NAA30: variants seen among roughly 807,000 people sequenced by gnomAD.
The protein encoded by NAA30 is N-alpha-acetyltransferase 30.
In NAA30, 5 loss-of-function variants were observed where a neutral mutation model predicts 31.4. The ratio of observed to expected loss-of-function variants is 0.16; its 90% CI spans 0.08 to 0.33. NAA30 has a LOEUF of 0.33. Among genes scored for constraint, NAA30 ranks in the 10% least tolerant of loss-of-function variants. The pLI is 1.00. For missense variants in NAA30, 428 were observed against 490.8 expected, an observed-to-expected ratio of 0.87 and a Z score of 1.21; for synonymous variants, 222 against 207.1, an observed-to-expected ratio of 1.07 and a Z score of -0.62.
At position 57,409,511 on chromosome 14, in the gene NAA30, C is replaced by T. The variant is rs756618193; in HGVS notation, c.1084C>T (p.Arg362Cys). The stretch of plus-strand genomic sequence containing the variant: ...TGCACTGCGACTTAAACTGTGGCTG[C>T]GTTGAGAAACTGACATCAAGGAACA... Reference protein sequence around the residue: ...VDALRLKLWLR With the variant: ...VDALRLKLWLC Residue 362 changes from arginine (R) to cysteine (C), a missense_variant, in exon 5 of 5, where the codon CGT becomes TGT. Physicochemically the swap from Arg to Cys is radical, Grantham distance 180. Around this residue, in one of 2 missense-constraint regions of NAA30, gnomAD observed 79 missense variants for 180.3 expected, o/e 0.44. Coordinates refer to ENST00000556492, the MANE Select transcript of NAA30 (RefSeq NM_001011713.3). The T allele has an allele frequency of 9.4e-6, 15 of 1,595,608 alleles. No individual in the cohort carries two copies. The highest frequency in any genetic ancestry group is 2.7e-5 in the African/African-American group (2 of 73,992).
chr14:57,395,979 T>G (rs1476132554), intron 2 of NAA30, among the ~76,000 whole-genome samples: 2 of 152,208 alleles, frequency 1.3e-5, no homozygotes, highest in East Asian at 3.8e-4. Context: ...TTATTTTCAT[T>G]TTTTTCTTTT....
chr14:57,398,531 C>A (rs1191755331), intron 3 of NAA30, among the ~76,000 whole-genome samples: 1 of 152,176 alleles, frequency 6.6e-6, no homozygotes, highest in African/African-American at 2.4e-5. Context: ...GATCCCGGCT[C>A]ACTGCAACCT....
chr14:57,405,737 A>C (rs1349922538), intron 4 of NAA30, among the ~76,000 whole-genome samples: 2 of 152,242 alleles, frequency 1.3e-5, no homozygotes, highest in Admixed American at 6.5e-5. Flanking sequence ...AGGAAATAGC[A>C]GTGGAAGGGC....
At chr14:57,402,484 G>A (rs573106592) in intron 4 of NAA30, among the ~76,000 whole-genome samples, 38 of 152,232 alleles carry the variant, frequency 2.5e-4, no homozygotes, top group African/African-American at 8.7e-4. Context: ...TCTTGTTTAA[G>A]TACTTTTAAA....
chr14:57,394,489 T>C (rs752842768), intron 2 of NAA30, among the ~76,000 whole-genome samples: 1 of 152,176 alleles, frequency 6.6e-6, no homozygotes, highest in Non-Finnish European at 1.5e-5. Flanking sequence ...GAGCTTTTAT[T>C]TGGAAAAATT....
At chr14:57,407,539 A>G (rs2066502835) in intron 4 of NAA30, among the ~76,000 whole-genome samples, 1 of 152,166 alleles carries the variant, frequency 6.6e-6, no homozygotes, top group African/African-American at 2.4e-5. Context: ...ATTCTTCTAG[A>G]CAGAAAACAG....
chr14:57,405,421 G>GTATATATATA (rs57769501), intron 4 of NAA30, among the ~76,000 whole-genome samples: 5 of 149,102 alleles, frequency 3.4e-5, no homozygotes, highest in East Asian at 2.0e-4. Context: ...ATATATATGT[G>GTATATATATA]TATATATATA....
rs191553725 is a variant in NAA30 at position 57,415,608 on chromosome 14, G to C, written c.*6092G>C. 10 of 152,246 alleles carry C rather than the reference G, an allele frequency of 6.6e-5. No homozygotes were observed. The East Asian group carries it at 1.7e-3, about 26-fold the overall frequency. The allele number at this position is 152,246 out of a possible 1,614,324, so 9.4% of individuals were successfully genotyped here. ...CTGTGCTGCATTAAAATCCACAGTT[G>C]CATGAAACTTTTAAAAGTTTAAGAT... On this transcript the variant is annotated 3_prime_UTR_variant, in exon 5 of 5. Coordinates refer to ENST00000556492, the MANE Select transcript of NAA30 (RefSeq NM_001011713.3).
At chr14:57,399,468 A>C (rs556665885) in intron 3 of NAA30, among the ~76,000 whole-genome samples, 5 of 152,214 alleles carry the variant, frequency 3.3e-5, no homozygotes, top group African/African-American at 1.2e-4. Flanking sequence ...GTTCTGGCCA[A>C]CTCACGGGGA....
intron 3 of NAA30, among the ~76,000 whole-genome samples, chr14:57,398,652 TG>T (rs897265805): frequency 6.6e-6 from 1 of 150,834 alleles, no homozygotes; most frequent in African/African-American, 2.4e-5. Flanking sequence ...TATTTTTTTT[TG>T]AGATAGTCTC....
At chr14:57,397,648 C>T (rs920945143) in intron 3 of NAA30, among the ~76,000 whole-genome samples, 8 of 152,280 alleles carry the variant, frequency 5.3e-5, no homozygotes, top group African/African-American at 1.4e-4. Context: ...CACCAGGTGC[C>T]GGGTGCGGTG....
chr14:57,401,964 G>A (rs899054574), intron 4 of NAA30, among the ~76,000 whole-genome samples: 1 of 152,332 alleles, frequency 6.6e-6, no homozygotes, highest in East Asian at 1.9e-4. Context: ...TCTTTAGGCT[G>A]ACATCAGGGA....
rs1292784517 is a variant in NAA30, at chr14:57,409,688, G to C, written c.*172G>C. ...TGTTGCACTTTGGCATGGCACATTT[G>C]TTCTGAATTAAAAGATTGTTTTAAA... On this transcript the variant is annotated 3_prime_UTR_variant, in exon 5 of 5. Coordinates refer to ENST00000556492, the MANE Select transcript of NAA30 (RefSeq NM_001011713.3). 1.9e-6 allele frequency: 1 copy of C among 535,144 alleles called. No homozygotes were observed. Among genetic ancestry groups the C allele is most frequent in the Non-Finnish European group, 3.0e-6 (1 of 332,452 alleles). 33.1% of individuals were successfully genotyped at this position (535,144 alleles called of 1,614,324 possible). A position where few individuals can be genotyped will look rare whatever the true frequency, so the allele number is the denominator to read the frequency against.
chr14:57,405,863 A>G (rs2066496356), intron 4 of NAA30, among the ~76,000 whole-genome samples: 1 of 152,154 alleles, frequency 6.6e-6, no homozygotes, highest in Non-Finnish European at 1.5e-5. Context: ...AATGTTTTGT[A>G]ATGGTTTGGC....
At position 57,396,728 on chromosome 14, in the gene NAA30, C is replaced by T. The variant is rs907963000; in HGVS notation, c.772-24C>T. The T allele has an allele frequency of 3.7e-6, 6 of 1,613,456 alleles. No homozygotes were observed. The African/African-American group carries it at 8.0e-5, about 22-fold the overall frequency. ...CAGTACCTGATGGCAATGTATTCTT[C>T]ATAACTGTTTGTTTATTTTTAAGGC... On this transcript the variant is annotated intron_variant, in intron 2 of 4. Coordinates refer to ENST00000556492, the MANE Select transcript of NAA30 (RefSeq NM_001011713.3).
intron 4 of NAA30, among the ~76,000 whole-genome samples, chr14:57,402,119 G>A (rs1250942778): frequency 2.6e-5 from 4 of 152,188 alleles, no homozygotes; most frequent in Non-Finnish European, 5.9e-5. Flanking sequence ...TTTGCCATAC[G>A]AACTCTTGTT....
chr14:57,397,454 A>G (rs1230451902), intron 3 of NAA30, among the ~76,000 whole-genome samples: 2 of 152,190 alleles, frequency 1.3e-5, no homozygotes, highest in Admixed American at 6.5e-5. Context: ...TGATCATTAG[A>G]ATCATGTGGG....
chr14:57,404,043 T>C (rs1274540939), intron 4 of NAA30, among the ~76,000 whole-genome samples: 1 of 152,174 alleles, frequency 6.6e-6, no homozygotes, highest in East Asian at 1.9e-4. Flanking sequence ...AGTTTTAGGC[T>C]GAGCACGGTG....
chr14:57,390,965 A>C lies in NAA30; in HGVS notation c.8A>C (p.Glu3Ala). 6.8e-7 allele frequency: 1 copy of C among 1,475,834 alleles called. No individual in the cohort carries two copies. 91.4% of individuals were successfully genotyped at this position (1,475,834 alleles called of 1,614,324 possible). ...GTCTGTGTCGCTTCTAGGATGGCGG[A>C]GGTACCGCCTGGGCCTAGCAGCCTC... is the stretch of plus-strand genomic sequence containing the variant. MA[E>A]VPPGPSSLLP... Residue 3 changes from glutamate to alanine, a missense_variant, in exon 2 of 5, where the codon GAG (glutamate) becomes GCG (alanine). Physicochemically the swap from Glu to Ala is moderately radical, Grantham distance 107 (BLOSUM62 -1). Coordinates refer to ENST00000556492, the MANE Select transcript of NAA30 (RefSeq NM_001011713.3).
Sources: allele counts gnomAD v4.1 joint callset (sites outside exome capture counted in the v4.1 genomes callset), GRCh38; gene constraint gnomAD v4.1.1; regional missense constraint gnomAD v4.1.1; transcripts MANE v1.5; gene names NCBI Gene and HGNC (gene_info 2026-07-23, HGNC 2026-07-21).